The following TMEM232 variants were observed in gnomAD, a reference collection of about 807,000 sequenced individuals.
The protein encoded by TMEM232 is transmembrane protein 232.
A neutral mutation model predicts 78.8 loss-of-function variants in TMEM232; 80 were observed. The ratio of observed to expected loss-of-function variants is 1.01; its 90% CI spans 0.85 to 1.22. The LOEUF (loss-of-function observed/expected upper bound fraction) is 1.22. Ranked by LOEUF, TMEM232 falls within the 50% of genes most tolerant of loss-of-function variation. The pLI is 0.00. For synonymous variants in TMEM232, 297 were observed against 254.3 expected (o/e 1.17, Z -1.60); for missense variants, 881 against 742.2 (o/e 1.19, Z -2.17).
chr5:110,501,178 G>C lies in TMEM232; in HGVS notation c.1703+27410C>G, dbSNP rs1766223083. 2.0e-5 allele frequency among the ~76,000 whole-genome samples: 3 copies of C among 152,006 alleles called. No individual in the cohort carries two copies. In the South Asian group the frequency reaches 6.2e-4, roughly 32 times the overall value. ...TCCAAACACTTTTTACTTTCTTATA[G>C]AACAACAGAAAAGAAAAATAACTGC... On this transcript the variant is annotated intron_variant, in intron 12 of 13. Transcript: ENST00000455884.
chr5:110,648,319 AACC>A (rs1425710684), intron 2 of TMEM232, among the ~76,000 whole-genome samples: 3 of 152,066 alleles, frequency 2.0e-5, no homozygotes, highest in African/African-American at 4.8e-5. Context: ...AAATTGGTAA[AACC>A]ACCAACTGGA....
chr5:110,634,304 CAA>C (rs1411482749), intron 5 of TMEM232, among the ~76,000 whole-genome samples: 1 of 151,958 alleles, frequency 6.6e-6, no homozygotes, highest in Non-Finnish European at 1.5e-5. Flanking sequence ...AGAATATCAA[CAA>C]AGAGACATTG....
At chr5:110,676,330 T>G (rs1792019038) in intron 1 of TMEM232, among the ~76,000 whole-genome samples, 1 of 152,148 alleles carries the variant, frequency 6.6e-6, no homozygotes, top group South Asian at 2.1e-4. Context: ...TTTTCAATTT[T>G]TTTTTTAAGG....
chr5:110,681,122 T>C (rs944209391), intron 1 of TMEM232, among the ~76,000 whole-genome samples: 1 of 152,126 alleles, frequency 6.6e-6, no homozygotes, highest in African/African-American at 2.4e-5. Context: ...GTGCAGTTCA[T>C]AAAAGCCAGG....
At chr5:110,421,379 C>T (rs1374195732) in intron 13 of TMEM232, among the ~76,000 whole-genome samples, 4 of 151,078 alleles carry the variant, frequency 2.6e-5, no homozygotes, top group East Asian at 1.9e-4. Context: ...ATGAGTAACA[C>T]GTAAGTAATG....
chr5:110,573,210 T>C (rs1777163533), intron 10 of TMEM232, among the ~76,000 whole-genome samples: 1 of 152,080 alleles, frequency 6.6e-6, no homozygotes. Flanking sequence ...TGATAGACTT[T>C]AATTGCCACT....
At chr5:110,516,247 C>CA (rs914885805) in intron 12 of TMEM232, among the ~76,000 whole-genome samples, 58 of 149,496 alleles carry the variant, frequency 3.9e-4, no homozygotes, top group Middle Eastern at 3.5e-3. Flanking sequence ...CCCCGCAGCC[C>CA]AAAAAAAAAA....
At chr5:110,594,517 G>T (rs115100854) in intron 10 of TMEM232, among the ~76,000 whole-genome samples, 1,811 of 152,252 alleles carry the variant, frequency 0.012, 33 homozygotes, top group African/African-American at 0.041. Context: ...TGTTCAGCAG[G>T]TCCCACCTTT....
intron 1 of TMEM232, among the ~76,000 whole-genome samples, chr5:110,688,857 C>G (rs896486859): frequency 2.0e-5 from 3 of 152,178 alleles, no homozygotes; most frequent in African/African-American, 7.2e-5. Flanking sequence ...CAGGGAAATT[C>G]CTGGTGAGCT....
In TMEM232 at chr5:110,489,409, T is replaced by G. The variant is rs779433905; in HGVS notation, c.1703+39179A>C. Among the ~76,000 whole-genome samples the G allele has an allele frequency of 5.3e-5, 8 of 151,950 alleles. 1 individual carries two copies. Among genetic ancestry groups the G allele is most frequent in the Non-Finnish European group, 1.0e-4 (7 of 67,956 alleles). ...CATACCAACAGAACAATGAACTAAA[T>G]GACATGATCTCAACAGACACAGAAA... is the stretch of plus-strand genomic sequence containing the variant. On this transcript the variant is annotated intron_variant, in intron 12 of 13. Transcript: ENST00000455884.
At chr5:110,578,681 G>C (rs1246504967) in intron 10 of TMEM232, among the ~76,000 whole-genome samples, 1 of 151,860 alleles carries the variant, frequency 6.6e-6, no homozygotes, top group African/African-American at 2.4e-5. Context: ...CTGATTAGAA[G>C]GGATCTCTTT....
At chr5:110,591,267 G>C (rs1779495704) in intron 10 of TMEM232, among the ~76,000 whole-genome samples, 1 of 152,078 alleles carries the variant, frequency 6.6e-6, no homozygotes, top group South Asian at 2.1e-4. Flanking sequence ...AGACCAGCCT[G>C]GGCAACATGG....
chr5:110,700,177 G>C (rs1244797056), intron 1 of TMEM232, among the ~76,000 whole-genome samples: 3 of 152,038 alleles, frequency 2.0e-5, no homozygotes, highest in Non-Finnish European at 4.4e-5. Flanking sequence ...TTGCTGGTCA[G>C]TCTAAAGTCC....
At chr5:110,532,721 A>C (rs1771719051) in intron 11 of TMEM232, among the ~76,000 whole-genome samples, 1 of 151,438 alleles carries the variant, frequency 6.6e-6, no homozygotes, top group Non-Finnish European at 1.5e-5. Context: ...GTATCCCCCC[A>C]CCTTAACACA....
At chr5:110,405,446 T>C (rs1270632729) in intron 2 of TMEM232, among the ~76,000 whole-genome samples, 1 of 151,580 alleles carries the variant, frequency 6.6e-6, no homozygotes, top group South Asian at 2.1e-4. Context: ...TCAATATAAA[T>C]TGAGCTAGAA....
intron 12 of TMEM232, among the ~76,000 whole-genome samples, chr5:110,430,780 T>C (rs759192050): frequency 6.6e-6 from 1 of 151,748 alleles, no homozygotes; most frequent in Non-Finnish European, 1.5e-5. Context: ...ACTAAAGTGA[T>C]AGCTTGCAGC....
chr5:110,591,705 CT>C (rs1779559760), intron 10 of TMEM232, among the ~76,000 whole-genome samples: 1 of 151,974 alleles, frequency 6.6e-6, no homozygotes, highest in Non-Finnish European at 1.5e-5. Context: ...ATGCTTTGAT[CT>C]AGGATTCTGA....
chr5:110,706,884 A>G (rs775873092), intron 1 of TMEM232, among the ~76,000 whole-genome samples: 2 of 152,210 alleles, frequency 1.3e-5, no homozygotes, highest in Non-Finnish European at 2.9e-5. Context: ...GGTGTTTCAC[A>G]TAGGAATTAA....
chr5:110,678,997 T>C (rs766432529), intron 1 of TMEM232, among the ~76,000 whole-genome samples: 4 of 152,240 alleles, frequency 2.6e-5, no homozygotes, highest in Non-Finnish European at 5.9e-5. Context: ...CAGGTTTTTC[T>C]ATGGACTTAA....
Sources: gnomAD v4.1 joint callset for allele counts (sites outside exome capture counted in the v4.1 genomes callset) on GRCh38, gnomAD v4.1.1 for gene constraint, MANE v1.5 for transcripts, NCBI Gene and HGNC (gene_info 2026-07-23, HGNC 2026-07-21) for gene names.